The following ACO1 variants were observed in gnomAD, a reference collection of about 807,000 sequenced individuals.
ACO1 encodes the protein cytoplasmic aconitate hydratase.
Under a neutral mutation model 105.1 loss-of-function variants are expected in ACO1, and 78 were observed. The observed-to-expected ratio is 0.74, with a 90% CI of 0.62 to 0.90. The LOEUF (loss-of-function observed/expected upper bound fraction) is 0.90. Among genes scored for constraint, ACO1 ranks in the 40% least tolerant of loss-of-function variants. The probability of loss-of-function intolerance (pLI) is 0.00; values close to 1 mark genes in which losing one functional copy is unlikely to be tolerated. For missense variants in ACO1, 965 were observed against 1,111.1 expected, an observed-to-expected ratio of 0.87 and a Z score of 1.87; for synonymous variants, 364 against 397.4, an observed-to-expected ratio of 0.92 and a Z score of 1.00.
At position 32,413,661 on chromosome 9, in the gene ACO1, T is replaced by C. The variant is rs185594393; in HGVS notation, c.405-4467T>C. Among the ~76,000 whole-genome samples the C allele has an allele frequency of 1.9e-4, 29 of 152,256 alleles. No individual in the cohort carries two copies. In the East Asian group the frequency reaches 5.4e-3, roughly 28 times the overall value. On this transcript the variant is annotated intron_variant, in intron 4 of 20. Transcript: ENST00000309951. The stretch of plus-strand genomic sequence containing the variant: ...TGCTGTGGGCTAATTTCCAGCTCTT[T>C]CTGGAAATGAGTGAGAAAAACTGGG...
intron 4 of ACO1, among the ~76,000 whole-genome samples, chr9:32,414,465 AATAG>A (rs1407254907): frequency 1.3e-5 from 2 of 152,232 alleles, no homozygotes; most frequent in Non-Finnish European, 2.9e-5. Context: ...AGCTCCATAT[AATAG>A]ATGTTTTGTT....
chr9:32,396,248 A>G (rs573954961), intron 1 of ACO1, among the ~76,000 whole-genome samples: 88 of 152,380 alleles, frequency 5.8e-4, no homozygotes, highest in African/African-American at 1.9e-3. Context: ...TTGGAAGTCT[A>G]CAGTCTAAAC....
intron 17 of ACO1, among the ~76,000 whole-genome samples, chr9:32,435,361 G>A (rs1324131498): frequency 6.6e-6 from 1 of 152,042 alleles, no homozygotes; most frequent in Admixed American, 6.6e-5. Context: ...CCCTTTTGAG[G>A]CATGAACACG....
At chr9:32,400,237 C>T (rs931768022) in intron 1 of ACO1, among the ~76,000 whole-genome samples, 1 of 152,076 alleles carries the variant, frequency 6.6e-6, no homozygotes, top group African/African-American at 2.4e-5. Flanking sequence ...TCCTAAAGTG[C>T]TGGGATTACA....
chr9:32,448,868 T>G, intron 19 of ACO1, 28 bp from the exon 20 acceptor site: 1 of 1,613,696 alleles, frequency 6.2e-7, no homozygotes, highest in Non-Finnish European at 8.5e-7. Flanking sequence ...ATTGGAAGTA[T>G]GTCTAAACTA....
chr9:32,418,587 T>C, intron 6 of ACO1, 76 bp downstream of exon 6: 1 of 1,456,942 alleles, frequency 6.9e-7, no homozygotes, highest in Non-Finnish European at 9.3e-7. Flanking sequence ...CTCAGTAACA[T>C]GAATTTACAT....
intron 16 of ACO1, 32 bp downstream of exon 16, chr9:32,433,864 T>A: frequency 6.7e-7 from 1 of 1,495,412 alleles, no homozygotes; most frequent in Non-Finnish European, 9.2e-7. Flanking sequence ...CAAAATGAAT[T>A]CTTTGAAGGG....
chr9:32,441,965 A>C (rs1822489846), intron 19 of ACO1, among the ~76,000 whole-genome samples: 1 of 152,190 alleles, frequency 6.6e-6, no homozygotes, highest in Admixed American at 6.5e-5. Flanking sequence ...GTGTTTAGAA[A>C]GCTTTCTACC....
At chr9:32,406,610 G>A (rs1458267696) in intron 2 of ACO1, among the ~76,000 whole-genome samples, 1 of 152,218 alleles carries the variant, frequency 6.6e-6, no homozygotes, top group Non-Finnish European at 1.5e-5. Flanking sequence ...GTAACAGAGT[G>A]AGACCCTGTC....
At chr9:32,404,783 C>T (rs1004034509) in intron 1 of ACO1, among the ~76,000 whole-genome samples, 2 of 152,210 alleles carry the variant, frequency 1.3e-5, no homozygotes, top group Non-Finnish European at 1.5e-5. Context: ...AAGTGCCTCA[C>T]CTGGTGGCAC....
intron 18 of ACO1, among the ~76,000 whole-genome samples, chr9:32,437,919 C>A (rs1414375320): frequency 6.6e-6 from 1 of 151,922 alleles, no homozygotes; most frequent in African/African-American, 2.4e-5. Flanking sequence ...CCCTAACAAC[C>A]TGCCTAAATA....
chr9:32,405,960 C>T (rs1229539172), intron 2 of ACO1, among the ~76,000 whole-genome samples: 4 of 152,204 alleles, frequency 2.6e-5, no homozygotes, highest in Non-Finnish European at 5.9e-5. Context: ...GGGTTGTAGA[C>T]AAGCAGGACA....
chr9:32,422,676 C>A (rs907580272), intron 8 of ACO1, among the ~76,000 whole-genome samples: 3 of 152,140 alleles, frequency 2.0e-5, no homozygotes, highest in African/African-American at 7.2e-5. Context: ...AGACTTTGAA[C>A]TTTTGGGTCA....
chr9:32,388,159 G>T (rs1821192710), intron 1 of ACO1, among the ~76,000 whole-genome samples: 1 of 152,184 alleles, frequency 6.6e-6, no homozygotes, highest in Non-Finnish European at 1.5e-5. Flanking sequence ...CCCGTTGTGT[G>T]AATTTTGCAT....
intron 2 of ACO1, among the ~76,000 whole-genome samples, chr9:32,406,648 A>G (rs892854258): frequency 5.3e-5 from 8 of 152,222 alleles, no homozygotes; most frequent in Non-Finnish European, 8.8e-5. Context: ...ACATAATACA[A>G]TAAAAATCTA....
intron 1 of ACO1, among the ~76,000 whole-genome samples, chr9:32,400,802 T>C (rs1359232870): frequency 6.6e-6 from 1 of 152,178 alleles, no homozygotes; most frequent in Non-Finnish European, 1.5e-5. Context: ...AATACAGGAG[T>C]ATGAAACATA....
chr9:32,433,865 C>A (rs1822295015), intron 16 of ACO1, 33 bp downstream of exon 16: 4 of 1,490,128 alleles, frequency 2.7e-6, no homozygotes, highest in African/African-American at 1.4e-5. Context: ...AAAATGAATT[C>A]TTTGAAGGGT....
chr9:32,437,207 TAAC>T (rs762728155), intron 18 of ACO1, among the ~76,000 whole-genome samples: 161 of 152,318 alleles, frequency 1.1e-3, no homozygotes, highest in Admixed American at 2.4e-3. Flanking sequence ...GTAATGCTCA[TAAC>T]AACCCCTTGA....
Position 32,415,555 on chromosome 9 carries a change from G to A in ACO1, c.405-2573G>A, listed in dbSNP as rs1821829519. The stretch of plus-strand genomic sequence containing the variant: ...ACACACTGGAAACATAGATCTGGAC[G>A]TAGAGACAGGTGGGAACTGGAGTGA... On this transcript the variant is annotated intron_variant, in intron 4 of 20. Coordinates refer to ENST00000309951, the MANE Select transcript of ACO1 (RefSeq NM_002197.3). 2.6e-5 allele frequency among the ~76,000 whole-genome samples: 4 copies of A among 152,312 alleles called. No homozygotes were observed. In the South Asian group the frequency reaches 6.2e-4, roughly 24 times the overall value.
Sources: gnomAD v4.1 joint callset for allele counts (sites outside exome capture counted in the v4.1 genomes callset) on GRCh38, gnomAD v4.1.1 for gene constraint, MANE v1.5 for transcripts, NCBI Gene and HGNC (gene_info 2026-07-23, HGNC 2026-07-21) for gene names.